The following SPAG9 variants were observed in gnomAD, a reference collection of about 807,000 sequenced individuals.
SPAG9 encodes the protein C-Jun-amino-terminal kinase-interacting protein 4.
In SPAG9, 35 loss-of-function variants were observed where a neutral mutation model predicts 166.5. That is an observed-to-expected ratio of 0.21 (90% confidence interval 0.16 to 0.28). SPAG9 has a LOEUF of 0.28. Among genes scored for constraint, SPAG9 ranks in the 10% least tolerant of loss-of-function variants. SPAG9 has a pLI of 1.00. For missense variants in SPAG9, 1,235 were observed against 1,603.3 expected (o/e 0.77, Z 3.92); for synonymous variants, 534 against 565.5 (o/e 0.94, Z 0.79).
intron 1 of SPAG9, among the ~76,000 whole-genome samples, chr17:51,119,898 C>T (rs1297385999): frequency 6.6e-6 from 1 of 152,172 alleles, no homozygotes. Context: ...CTCTAACTTC[C>T]CAAAGCAAGG....
At chr17:51,040,161 G>A (rs899950528) in intron 5 of SPAG9, among the ~76,000 whole-genome samples, 9 of 151,336 alleles carry the variant, frequency 5.9e-5, no homozygotes, top group Non-Finnish European at 1.0e-4. Context: ...TTGAACCCAG[G>A]AGGAGGATGC....
At chr17:51,112,302 G>T (rs746618241) in intron 1 of SPAG9, among the ~76,000 whole-genome samples, 17 of 149,130 alleles carry the variant, frequency 1.1e-4, no homozygotes, top group Non-Finnish European at 2.1e-4. Flanking sequence ...GGGAGGCTGA[G>T]GTAAGAAAAT....
In SPAG9 at chr17:51,041,592, G is replaced by A. The variant is rs377451130; in HGVS notation, c.650C>T (p.Thr217Ile). ...CTCTCCTCCTTTCTGAGCATCAGGT[G>A]TAAGCAATCCATCTCCAGCAGGTAA... is the stretch of plus-strand genomic sequence containing the variant. The part of the protein sequence containing the change: ...FPLPAGDGLL[T>I]PDAQKGGETP... The change falls in exon 5 of 30, where the codon ACA becomes ATA. Residue 217 changes from threonine to isoleucine, a missense_variant. Transcript: ENST00000262013. The A allele has an allele frequency of 1.2e-6, 2 of 1,613,812 alleles. No homozygotes were observed. Among genetic ancestry groups the A allele is most frequent in the Admixed American group, 1.7e-5 (1 of 59,992 alleles).
rs1428560267 is a variant in SPAG9, at chr17:50,965,470, A to G, written c.*802T>C. On this transcript the variant is annotated 3_prime_UTR_variant, in exon 30 of 30. Coordinates refer to ENST00000262013, the MANE Select transcript of SPAG9 (RefSeq NM_001130528.3). ...CACATTTCCTTTAAAAAATCCTCCC[A>G]GTGCTGAAGTATCTTCTAAGCTTCC... 5.3e-5 allele frequency: 8 copies of G among 152,202 alleles called. No individual in the cohort carries two copies. The East Asian group carries it at 1.5e-3, about 29-fold the overall frequency. The allele number at this position is 152,202 out of a possible 1,614,324, so 9.4% of individuals were successfully genotyped here.
At chr17:51,037,695 TG>T (rs2046669911) in intron 5 of SPAG9, among the ~76,000 whole-genome samples, 2 of 96,328 alleles carry the variant, frequency 2.1e-5, no homozygotes, top group African/African-American at 7.1e-5. Context: ...AGTGTGTGTG[TG>T]TGTGTGTGTG....
rs200269581 is a variant in SPAG9 at position 51,006,287 on chromosome 17, A to G, written c.1272-50T>C. ...ATCATTACAAATAAATATTCTTTCC[A>G]TCTTTCAGCTATTCCTTTGTAGACT... On this transcript the variant is annotated intron_variant, in intron 10 of 29. Coordinates refer to ENST00000262013, the MANE Select transcript of SPAG9 (RefSeq NM_001130528.3). 222 of 1,564,260 alleles carry G rather than the reference A, an allele frequency of 1.4e-4. 1 individual carries two copies. The African/African-American group carries it at 2.5e-3, about 18-fold the overall frequency.
chr17:50,998,721 G>T, intron 14 of SPAG9, 104 bp from the exon 15 acceptor site: 1 of 1,127,034 alleles, frequency 8.9e-7, no homozygotes, highest in Non-Finnish European at 1.3e-6. Flanking sequence ...ACTTTTACAA[G>T]GCAATGAGTT....
intron 16 of SPAG9, 74 bp downstream of exon 16, chr17:50,996,485 CAGTGAA>C: frequency 6.6e-7 from 1 of 1,521,060 alleles, no homozygotes; most frequent in Non-Finnish European, 9.1e-7. Flanking sequence ...GGGATGCGTA[CAGTGAA>C]TCCTTCATGC....
At position 51,020,262 on chromosome 17, in the gene SPAG9, A is replaced by G. The variant is rs777347552; in HGVS notation, c.992-4T>C. ...TTTTCTTCATTTTCAGCAGAGCCTT[A>G]AAAAAGGACATGATGAAATAAACAA... is the stretch of plus-strand genomic sequence containing the variant. On this transcript the variant is annotated splice_polypyrimidine_tract_variant and splice_region_variant and intron_variant, in intron 7 of 29. Coordinates refer to ENST00000262013, the MANE Select transcript of SPAG9 (RefSeq NM_001130528.3). The G allele has an allele frequency of 1.3e-6, 2 of 1,591,180 alleles. No individual in the cohort carries two copies. The highest frequency in any genetic ancestry group is 2.7e-5 in the African/African-American group (2 of 74,596).
chr17:51,023,402 C>A, intron 6 of SPAG9: 1 of 253,950 alleles, frequency 3.9e-6, no homozygotes, highest in South Asian at 5.7e-5. Context: ...GCTATTGATG[C>A]TGAAGTGGTA....
chr17:51,055,731 T>C (rs193185105), intron 3 of SPAG9, among the ~76,000 whole-genome samples: 2 of 152,186 alleles, frequency 1.3e-5, no homozygotes, highest in East Asian at 3.9e-4. Flanking sequence ...ATTATATTTA[T>C]CTGGGTATGT....
At chr17:50,974,558 T>A (rs1974081085) in intron 28 of SPAG9, among the ~76,000 whole-genome samples, 1 of 152,194 alleles carries the variant, frequency 6.6e-6, no homozygotes, top group Non-Finnish European at 1.5e-5. Context: ...AATCAACAAA[T>A]TTATCTTTGG....
At position 50,997,922 on chromosome 17, in the gene SPAG9, TA is replaced by T. The variant is rs199917995; in HGVS notation, c.1838+521del. ...GTCATACCAGCAAAAATGAGGCATT[TA>T]AAAAAAAATCCTTCTCTTTTATAAA... is the stretch of plus-strand genomic sequence containing the variant. On this transcript the variant is annotated intron_variant, in intron 15 of 29. Coordinates refer to ENST00000262013, the MANE Select transcript of SPAG9 (RefSeq NM_001130528.3). 2.0e-4 allele frequency among the ~76,000 whole-genome samples: 30 copies of T among 149,728 alleles called. 1 individual carries two copies. In the East Asian group the frequency reaches 3.5e-3, roughly 17 times the overall value.
intron 2 of SPAG9, among the ~76,000 whole-genome samples, chr17:51,069,698 T>C (rs1014152148): frequency 6.6e-6 from 1 of 152,202 alleles, no homozygotes; most frequent in African/African-American, 2.4e-5. Flanking sequence ...CTTATTCTTA[T>C]GACCAAGAAA....
In SPAG9 at chr17:50,993,151, G is replaced by A. The variant is rs182502890; in HGVS notation, c.2398+613C>T. Among the ~76,000 whole-genome samples, 7 of 143,372 alleles carry A rather than the reference G, an allele frequency of 4.9e-5. No individual in the cohort carries two copies. The East Asian group carries it at 1.0e-3, about 21-fold the overall frequency. 94.1% of individuals were successfully genotyped at this position (143,372 alleles called of 152,430 possible). ...CCAACATGGTAAAACCCCGTCTCTA[G>A]TAAAAATGCAAACAATTAGCCGGGC... is the stretch of plus-strand genomic sequence containing the variant. On this transcript the variant is annotated intron_variant, in intron 19 of 29. Transcript: ENST00000262013.
intron 12 of SPAG9, among the ~76,000 whole-genome samples, chr17:51,004,679 G>A (rs1335888049): frequency 6.6e-6 from 1 of 152,096 alleles, no homozygotes; most frequent in Non-Finnish European, 1.5e-5. Context: ...GTAGTGAGCT[G>A]AGATCGCAGA....
At chr17:50,989,493 TG>T (rs937820367) in intron 21 of SPAG9, 183 bp downstream of exon 21, 8 of 654,762 alleles carry the variant, frequency 1.2e-5, no homozygotes, top group Admixed American at 4.8e-5. Context: ...ACAGAAGAAA[TG>T]GGGGGGAATA....
intron 14 of SPAG9, 165 bp downstream of exon 14, chr17:50,999,496 T>TAAA (rs377700707): frequency 7.4e-5 from 95 of 1,290,920 alleles, no homozygotes; most frequent in South Asian, 1.8e-4. Context: ...CACTATATAT[T>TAAA]AAAAAAAAAA....
chr17:51,011,048 C>G (rs1351328380), intron 9 of SPAG9, among the ~76,000 whole-genome samples: 3 of 152,066 alleles, frequency 2.0e-5, no homozygotes, highest in African/African-American at 7.2e-5. Context: ...CAGGAAAGGA[C>G]ACAGGCAAGT....
Sources: gnomAD v4.1 joint callset for allele counts (sites outside exome capture counted in the v4.1 genomes callset) on GRCh38, gnomAD v4.1.1 for gene constraint, MANE v1.5 for transcripts, NCBI Gene and HGNC (gene_info 2026-07-23, HGNC 2026-07-21) for gene names.